CD38: variants seen among roughly 807,000 people sequenced by gnomAD.
The protein encoded by CD38 is CD38 molecule.
A neutral mutation model predicts 36.3 loss-of-function variants in CD38; 31 were observed. That is an observed-to-expected ratio of 0.85 (90% CI 0.64 to 1.15). CD38 has a LOEUF of 1.15. Among genes scored for constraint, CD38 ranks in the 50% most tolerant of loss-of-function variants. The pLI, the probability that CD38 is intolerant of heterozygous loss-of-function variation, is 0.00. For missense variants in CD38, 380 were observed against 371.9 expected (o/e 1.02, Z -0.18); for synonymous variants, 131 against 135.2 (o/e 0.97, Z 0.22).
intron 1 of CD38, among the ~76,000 whole-genome samples, chr4:15,803,579 C>T (rs1244533300): frequency 6.6e-6 from 1 of 152,136 alleles, no homozygotes; most frequent in Non-Finnish European, 1.5e-5. Flanking sequence ...GAGATATTAT[C>T]TCACGCCAGC....
At chr4:15,795,848 T>G (rs1159686056) in intron 1 of CD38, among the ~76,000 whole-genome samples, 1 of 152,174 alleles carries the variant, frequency 6.6e-6, no homozygotes, top group East Asian at 1.9e-4. Flanking sequence ...AAAGTTTGAT[T>G]TGAAGAGACA....
chr4:15,825,770 G>A (rs1459040470), intron 3 of CD38: 1 of 152,198 alleles, frequency 6.6e-6, no homozygotes, highest in Non-Finnish European at 1.5e-5. Flanking sequence ...AGGTCTCAGT[G>A]GGACCTAGAC....
intron 4 of CD38, among the ~76,000 whole-genome samples, chr4:15,837,566 A>C (rs1208817654): frequency 6.6e-6 from 1 of 152,156 alleles, no homozygotes; most frequent in Non-Finnish European, 1.5e-5. Flanking sequence ...TGTTTCTTGC[A>C]TGGAGAAATA....
At chr4:15,817,692 C>G (rs898004474) in intron 2 of CD38, among the ~76,000 whole-genome samples, 1 of 152,170 alleles carries the variant, frequency 6.6e-6, no homozygotes, top group African/African-American at 2.4e-5. Flanking sequence ...TGATGCTGGG[C>G]TTCAATAAGG....
At position 15,849,078 on chromosome 4, in the gene CD38, A is replaced by G. The variant is rs138316770; in HGVS notation, c.*476A>G. On this transcript the variant is annotated 3_prime_UTR_variant, in exon 8 of 8. Transcript: ENST00000226279. ...TAGTCAAACCATAAACTTCATGGTC[A>G]TGGGTCATGTTGGTGAAAATTATTC... 6.5e-6 allele frequency: 1 copy of G among 153,772 alleles called. No individual in the cohort carries two copies. Among genetic ancestry groups the G allele is most frequent in the Non-Finnish European group, 1.4e-5 (1 of 68,968 alleles). The allele number at this position is 153,772 out of a possible 1,614,324, so 9.5% of individuals were successfully genotyped here. A position where few individuals can be genotyped will look rare whatever the true frequency, so the allele number is the denominator to read the frequency against.
Position 15,840,648 on chromosome 4 carries a change from C to T in CD38, c.839+110C>T. The T allele has an allele frequency of 4.6e-6, 3 of 645,974 alleles. No individual in the cohort carries two copies. The South Asian group carries it at 5.8e-5, about 12-fold the overall frequency. The allele number at this position is 645,974 out of a possible 1,614,324, so 40.0% of individuals were successfully genotyped here. A position where few individuals can be genotyped will look rare whatever the true frequency, so the allele number is the denominator to read the frequency against. ...AGGGCTGTGTGAATCTTTCTTGGGCCTTGATGATGATCACAGATGGCAACC... is the reference window on the plus strand; with the variant it reads ...AGGGCTGTGTGAATCTTTCTTGGGCTTTGATGATGATCACAGATGGCAACC... On this transcript the variant is annotated intron_variant, in intron 7 of 7. Transcript: ENST00000226279.
intron 1 of CD38, among the ~76,000 whole-genome samples, chr4:15,786,191 G>C (rs564579699): frequency 1.3e-5 from 2 of 152,222 alleles, no homozygotes; most frequent in Non-Finnish European, 2.9e-5. Flanking sequence ...GTGTAGAAGT[G>C]TAGAACGGGA....
chr4:15,798,644 C>T (rs2148917925), intron 1 of CD38, among the ~76,000 whole-genome samples: 1 of 152,322 alleles, frequency 6.6e-6, no homozygotes, highest in South Asian at 2.1e-4. Flanking sequence ...GCGTCTGCCA[C>T]GTTGCATATG....
At chr4:15,794,281 T>A (rs541192083) in intron 1 of CD38, among the ~76,000 whole-genome samples, 10 of 152,304 alleles carry the variant, frequency 6.6e-5, no homozygotes, top group African/African-American at 2.4e-4. Flanking sequence ...GCAGTACATA[T>A]ACATAGGGTT....
chr4:15,812,795 T>A (rs112227069), intron 1 of CD38, among the ~76,000 whole-genome samples: 1,984 of 152,360 alleles, frequency 0.013, 44 homozygotes, highest in African/African-American at 0.045. Flanking sequence ...GTAACAGTGT[T>A]GTGTATTTTT....
chr4:15,816,753 G>A (rs1306235712), intron 2 of CD38, 113 bp downstream of exon 2: 1 of 1,136,246 alleles, frequency 8.8e-7, no homozygotes, highest in Non-Finnish European at 1.3e-6. Context: ...AGACATTATA[G>A]TGTGAGTGTG....
chr4:15,796,785 A>G (rs965944024), intron 1 of CD38, among the ~76,000 whole-genome samples: 9 of 152,078 alleles, frequency 5.9e-5, no homozygotes, highest in African/African-American at 1.9e-4. Flanking sequence ...TTTTCATTCT[A>G]CAATGTATCT....
chr4:15,826,150 TAAAAGCA>T (rs1723839652), intron 3 of CD38: 1 of 152,130 alleles, frequency 6.6e-6, no homozygotes, highest in African/African-American at 2.4e-5. Flanking sequence ...CAGAAATGCA[TAAAAGCA>T]AAAAGCAAAT....
At chr4:15,816,051 T>C (rs1299930678) in intron 1 of CD38, among the ~76,000 whole-genome samples, 1 of 152,184 alleles carries the variant, frequency 6.6e-6, no homozygotes, top group Non-Finnish European at 1.5e-5. Context: ...GTTCTGATTA[T>C]GTGATGGATT....
chr4:15,788,245 G>C (rs1275201906), intron 1 of CD38, among the ~76,000 whole-genome samples: 1 of 152,208 alleles, frequency 6.6e-6, no homozygotes, highest in Non-Finnish European at 1.5e-5. Context: ...TATTGGATGA[G>C]CCTGGTTCAG....
At chr4:15,805,262 T>C (rs1461715857) in intron 1 of CD38, among the ~76,000 whole-genome samples, 1 of 152,216 alleles carries the variant, frequency 6.6e-6, no homozygotes, top group African/African-American at 2.4e-5. Context: ...TCCAGTTTGT[T>C]AACTTTTTTC....
At chr4:15,826,225 A>G (rs1723841697) in intron 3 of CD38, 2 of 152,144 alleles carry the variant, frequency 1.3e-5, no homozygotes, top group Non-Finnish European at 2.9e-5. Flanking sequence ...AAGGGTAACT[A>G]TTATCAGCAA....
intron 3 of CD38, among the ~76,000 whole-genome samples, chr4:15,829,696 TCTAA>T (rs1723921387): frequency 6.6e-6 from 1 of 152,144 alleles, no homozygotes; most frequent in Non-Finnish European, 1.5e-5. Context: ...TCTTATTCAT[TCTAA>T]CTATTTTTTG....
intron 4 of CD38, among the ~76,000 whole-genome samples, chr4:15,836,786 C>G (rs1341255246): frequency 6.6e-6 from 1 of 152,120 alleles, no homozygotes; most frequent in South Asian, 2.1e-4. Context: ...TCATGTAAAC[C>G]CTGGTACGAT....
Sources: gnomAD v4.1 joint callset for allele counts (sites outside exome capture counted in the v4.1 genomes callset) on GRCh38, gnomAD v4.1.1 for gene constraint, MANE v1.5 for transcripts, NCBI Gene and HGNC (gene_info 2026-07-23, HGNC 2026-07-21) for gene names.